The following EYS variants were observed in gnomAD, a reference collection of about 807,000 sequenced individuals.
The protein encoded by EYS is EGF-like photoreceptor maintenance factor, also known as protein eyes shut homolog.
In EYS, 250 loss-of-function variants were observed where a neutral mutation model predicts 282.1. That is an observed-to-expected ratio of 0.89 (90% CI 0.80 to 0.98). The LOEUF (loss-of-function observed/expected upper bound fraction) is 0.98, where lower values mean the gene tolerates loss of function less well. Among genes scored for constraint, EYS ranks in the 50% least tolerant of loss-of-function variants. The pLI is 0.00. For missense variants in EYS, 4,016 were observed against 3,709.0 expected (o/e 1.08, Z -2.15); for synonymous variants, 1,355 against 1,282.9 (o/e 1.06, Z -1.20).
At chr6:64,071,543 A>T (rs772834672) in intron 32 of EYS, among the ~76,000 whole-genome samples, 1 of 139,524 alleles carries the variant, frequency 7.2e-6, no homozygotes, top group African/African-American at 3.3e-5. Context: ...AATCTTTGAC[A>T]TTTTTTTATT....
intron 26 of EYS, among the ~76,000 whole-genome samples, chr6:64,565,328 C>T (rs1765530402): frequency 6.6e-6 from 1 of 151,948 alleles, no homozygotes; most frequent in South Asian, 2.1e-4. Context: ...TCAGATCTTA[C>T]ATTTAAGTCT....
chr6:64,395,757 C>T lies in EYS; in HGVS notation c.5928-6917G>A, dbSNP rs1260968805. Among the ~76,000 whole-genome samples the T allele has an allele frequency of 2.7e-5, 4 of 146,696 alleles. No homozygotes were observed. In the South Asian group the frequency reaches 8.6e-4, roughly 32 times the overall value. ...ATGTAACTAACCTGCACAATGTGCACATGTACCCTAAAACTTAAAGTATAA... is the reference window on the plus strand; with the variant it reads ...ATGTAACTAACCTGCACAATGTGCATATGTACCCTAAAACTTAAAGTATAA... On this transcript the variant is annotated intron_variant, in intron 28 of 42. Transcript: ENST00000503581.
chr6:65,048,244 A>T (rs556464863), intron 13 of EYS, among the ~76,000 whole-genome samples: 39 of 151,840 alleles, frequency 2.6e-4, no homozygotes, highest in Non-Finnish European at 4.0e-4. Context: ...TAGTTTTACT[A>T]TTGCCACTTT....
At chr6:64,676,309 A>AATATATCTATATATATATATCT (rs1275293453) in intron 22 of EYS, among the ~76,000 whole-genome samples, 3 of 131,928 alleles carry the variant, frequency 2.3e-5, no homozygotes, top group African/African-American at 7.7e-5. Flanking sequence ...ATCTATATCC[A>AATATATCTATATATATATATCT]ATATATCTAT....
chr6:65,436,890 T>A (rs1380941700), intron 5 of EYS, among the ~76,000 whole-genome samples: 1 of 152,104 alleles, frequency 6.6e-6, no homozygotes, highest in South Asian at 2.1e-4. Flanking sequence ...ATTCAGGAAA[T>A]TTCTAATCAA....
intron 30 of EYS, among the ~76,000 whole-genome samples, chr6:64,274,839 G>GTT (rs1048131233): frequency 6.6e-6 from 1 of 151,914 alleles, no homozygotes; most frequent in African/African-American, 2.4e-5. Flanking sequence ...CCTGGCCATC[G>GTT]TAAGTGTTCA....
At chr6:64,290,103 G>A (rs1431940949) in intron 30 of EYS, among the ~76,000 whole-genome samples, 1 of 152,126 alleles carries the variant, frequency 6.6e-6, no homozygotes, top group African/African-American at 2.4e-5. Context: ...GCTCAGCATA[G>A]ATGACTTTGC....
chr6:65,698,677 C>T (rs955332272), intron 1 of EYS, among the ~76,000 whole-genome samples: 2 of 152,148 alleles, frequency 1.3e-5, no homozygotes, highest in Non-Finnish European at 2.9e-5. Context: ...CTTCTGGTTT[C>T]TATTACATGA....
chr6:63,795,420 C>T (rs1770621321), intron 37 of EYS, among the ~76,000 whole-genome samples: 2 of 152,078 alleles, frequency 1.3e-5, no homozygotes, highest in Non-Finnish European at 2.9e-5. Context: ...AAGAAAAGAG[C>T]AAAGTAGTTG....
chr6:64,168,995 A>G (rs1047418356), intron 31 of EYS, among the ~76,000 whole-genome samples: 4 of 152,206 alleles, frequency 2.6e-5, no homozygotes, highest in African/African-American at 7.2e-5. Flanking sequence ...AAAATTTAAC[A>G]TTTCTAGAAT....
In EYS at chr6:64,495,722, C is replaced by A. The variant is rs147107102; in HGVS notation, c.5645-56370G>T. ...ACGTTAAACCTTTTATTTCCCTTAA[C>A]TATCTTTTGTTATTTGTATTTTTCT... On this transcript the variant is annotated intron_variant, in intron 26 of 42. Coordinates refer to ENST00000503581, the MANE Select transcript of EYS (RefSeq NM_001142800.2). Among the ~76,000 whole-genome samples the A allele has an allele frequency of 3.0e-3, 460 of 151,984 alleles. 3 individuals carry two copies. The highest frequency in any genetic ancestry group is 0.01 in the African/African-American group (430 of 41,518).
chr6:64,743,014 C>T (rs1048803167), intron 22 of EYS, among the ~76,000 whole-genome samples: 2 of 152,046 alleles, frequency 1.3e-5, no homozygotes, highest in African/African-American at 4.8e-5. Flanking sequence ...CCATACTGTG[C>T]TATCTGCTAA....
chr6:64,253,024 A>C (rs192593416), intron 30 of EYS, among the ~76,000 whole-genome samples: 62 of 152,226 alleles, frequency 4.1e-4, no homozygotes, highest in Non-Finnish European at 7.8e-4. Context: ...TGCATATTAC[A>C]TATCATGTTG....
At chr6:64,737,321 A>G (rs967500352) in intron 22 of EYS, among the ~76,000 whole-genome samples, 2 of 152,138 alleles carry the variant, frequency 1.3e-5, no homozygotes, top group African/African-American at 4.8e-5. Flanking sequence ...TGTATGCTCT[A>G]CTTTAGTAAA....
intron 24 of EYS, among the ~76,000 whole-genome samples, chr6:64,599,584 T>C (rs1766699685): frequency 6.6e-6 from 1 of 152,184 alleles, no homozygotes; most frequent in South Asian, 2.1e-4. Flanking sequence ...GAGAAGCTTA[T>C]TGGCTACCAG....
chr6:64,632,833 G>C (rs1767834701), intron 22 of EYS, among the ~76,000 whole-genome samples: 1 of 151,972 alleles, frequency 6.6e-6, no homozygotes, highest in African/African-American at 2.4e-5. Context: ...TCTCATTTCA[G>C]TATTTTTATT....
intron 26 of EYS, among the ~76,000 whole-genome samples, chr6:64,493,559 T>G (rs1776798127): frequency 6.6e-6 from 1 of 151,596 alleles, no homozygotes; most frequent in Admixed American, 6.6e-5. Context: ...CTGCAGTCTT[T>G]CTATATCAGT....
intron 19 of EYS, among the ~76,000 whole-genome samples, chr6:64,840,591 A>T (rs1028263833): frequency 6.6e-6 from 1 of 152,102 alleles, no homozygotes; most frequent in Non-Finnish European, 1.5e-5. Flanking sequence ...TTTATGATTC[A>T]TTTGTTGTGG....
At position 64,833,755 on chromosome 6, in the gene EYS, C is replaced by T. The variant is rs145719310; in HGVS notation, c.2993-10933G>A. 1.3e-3 allele frequency among the ~76,000 whole-genome samples: 190 copies of T among 151,814 alleles called. 1 individual carries two copies. Among genetic ancestry groups the T allele is most frequent in the African/African-American group, 4.3e-3 (179 of 41,466 alleles). On this transcript the variant is annotated intron_variant, in intron 19 of 42. Transcript: ENST00000503581. Reference sequence around the variant, plus strand: ...ATTATATTTCCACATAAGGAAAGTACATGATAAGCACTGAAATCTTTCTTT... The same window carrying T: ...ATTATATTTCCACATAAGGAAAGTATATGATAAGCACTGAAATCTTTCTTT...
Sources: gnomAD v4.1 joint callset for allele counts (sites outside exome capture counted in the v4.1 genomes callset) on GRCh38, gnomAD v4.1.1 for gene constraint, MANE v1.5 for transcripts, NCBI Gene and HGNC (gene_info 2026-07-23, HGNC 2026-07-21) for gene names.